CTNNA2: variants seen among roughly 807,000 people sequenced by gnomAD.
The protein encoded by CTNNA2 is catenin alpha 2.
In CTNNA2, 42 loss-of-function variants were observed where a neutral mutation model predicts 101.0. The ratio of observed to expected loss-of-function variants is 0.42; its 90% CI spans 0.32 to 0.54. CTNNA2 has a LOEUF of 0.54. Among genes scored for constraint, CTNNA2 ranks in the 20% least tolerant of loss-of-function variants. The pLI, the probability that CTNNA2 is intolerant of heterozygous loss-of-function variation, is 0.14. For synonymous variants in CTNNA2, 450 were observed against 456.4 expected, an observed-to-expected ratio of 0.99 and a Z score of 0.18; for missense variants, 871 against 1,223.1, an observed-to-expected ratio of 0.71 and a Z score of 4.29.
At chr2:80,378,359 A>AAAATAAAT (rs70940081) in intron 7 of CTNNA2, among the ~76,000 whole-genome samples, 11 of 126,856 alleles carry the variant, frequency 8.7e-5, no homozygotes, top group Middle Eastern at 3.9e-3. Flanking sequence ...TCTGTCTCAA[A>AAAATAAAT]AAATAAATAA....
At chr2:79,963,531 C>T (rs1374901442) in intron 7 of CTNNA2, among the ~76,000 whole-genome samples, 1 of 152,172 alleles carries the variant, frequency 6.6e-6, no homozygotes, top group Non-Finnish European at 1.5e-5. Flanking sequence ...GTCAGTCACT[C>T]ACTGCTGTCA....
Position 79,905,039 on chromosome 2 carries a change from G to A in CTNNA2, c.853-4555G>A, listed in dbSNP as rs185851959. Among the ~76,000 whole-genome samples, 290 of 152,302 alleles carry A rather than the reference G, an allele frequency of 1.9e-3. 1 individual carries two copies. The highest frequency in any genetic ancestry group is 3.5e-3 in the Non-Finnish European group (237 of 68,032). ...AGACTAGAGAGACTGTTATAGCACC[G>A]ACTTGAAGGCAGAATAGGATTCTAG... On this transcript the variant is annotated intron_variant, in intron 6 of 18. Transcript: ENST00000402739.
Position 79,666,265 on chromosome 2 carries a change from G to GA in CTNNA2, c.102+14611dup, listed in dbSNP as rs201782709. Among the ~76,000 whole-genome samples the GA allele has an allele frequency of 3.5e-3, 535 of 152,146 alleles. 12 individuals carry two copies. In the East Asian group the frequency reaches 0.048, roughly 14 times the overall value. ...AAATGTAAAATCATTAAACATTATAGAAAATCAATGTTTTAATTGTAGAAA... is the reference window on the plus strand; with the variant it reads ...AAATGTAAAATCATTAAACATTATAGAAAAATCAATGTTTTAATTGTAGAAA... On this transcript the variant is annotated intron_variant, in intron 2 of 18. Transcript: ENST00000402739.
intron 9 of CTNNA2, among the ~76,000 whole-genome samples, chr2:80,477,985 G>T (rs1456677555): frequency 6.6e-6 from 1 of 152,024 alleles, no homozygotes; most frequent in East Asian, 1.9e-4. Flanking sequence ...TTTCCTTAGA[G>T]GTCGTACTAA....
At chr2:79,620,015 ATTAAGCAAACAAAAAAAATGAGT>A (rs1415413687) in intron 1 of CTNNA2, among the ~76,000 whole-genome samples, 1 of 152,138 alleles carries the variant, frequency 6.6e-6, no homozygotes, top group East Asian at 1.9e-4. Context: ...ACTTTTTCTT[ATTAAGCAAACAAAAAAAATGAGT>A]GCGATAGATT....
At chr2:80,002,462 T>C (rs1693018451) in intron 7 of CTNNA2, among the ~76,000 whole-genome samples, 1 of 152,218 alleles carries the variant, frequency 6.6e-6, no homozygotes, top group Non-Finnish European at 1.5e-5. Flanking sequence ...AGTATTTCCC[T>C]GACATCTAGA....
chr2:79,208,312 G>T (rs1166427899), intron 2 of CTNNA2, among the ~76,000 whole-genome samples: 2 of 152,254 alleles, frequency 1.3e-5, no homozygotes, highest in Middle Eastern at 3.4e-3. Flanking sequence ...TGAAACATAT[G>T]TCAAGATTCT....
intron 7 of CTNNA2, among the ~76,000 whole-genome samples, chr2:79,940,146 G>C (rs938214409): frequency 1.3e-5 from 2 of 152,146 alleles, no homozygotes; most frequent in African/African-American, 4.8e-5. Context: ...TTTAAGAAAA[G>C]TCAATATAGA....
chr2:79,418,897 A>C (rs907522681), intron 4 of CTNNA2, among the ~76,000 whole-genome samples: 3 of 152,130 alleles, frequency 2.0e-5, no homozygotes, highest in Non-Finnish European at 4.4e-5. Context: ...GAGATTATTA[A>C]TATACACAGG....
At chr2:79,691,329 C>G (rs6547258) in intron 2 of CTNNA2, among the ~76,000 whole-genome samples, 105,660 of 151,170 alleles carry the variant, frequency 0.7, 37,021 homozygotes, top group East Asian at 0.89. Context: ...TCCTACATTT[C>G]CTTGGGAGTT....
intron 3 of CTNNA2, among the ~76,000 whole-genome samples, chr2:79,746,668 G>A (rs1160484131): frequency 1.3e-5 from 2 of 152,088 alleles, no homozygotes; most frequent in Non-Finnish European, 2.9e-5. Context: ...TTATTTAAAA[G>A]CACTATGTTT....
rs529968358 is a variant in CTNNA2, at chr2:79,810,700, C to T, written c.299-47313C>T. ...CCCTCCCCCCACTCCACAACAGGCCCTGGTGTGTGATGTTCCCTTTCCTGT... is the reference window on the plus strand; with the variant it reads ...CCCTCCCCCCACTCCACAACAGGCCTTGGTGTGTGATGTTCCCTTTCCTGT... On this transcript the variant is annotated intron_variant, in intron 3 of 18. Transcript: ENST00000402739. 1.1e-4 allele frequency among the ~76,000 whole-genome samples: 17 copies of T among 151,714 alleles called. No homozygotes were observed. The Middle Eastern group carries it at 0.01, about 91-fold the overall frequency.
intron 4 of CTNNA2, among the ~76,000 whole-genome samples, chr2:79,435,012 C>A (rs1023148428): frequency 9.9e-5 from 15 of 152,196 alleles, no homozygotes; most frequent in African/African-American, 3.6e-4. Flanking sequence ...CTCAATGAAA[C>A]CAAATTCTGT....
At chr2:79,622,786 T>C (rs1043784660) in intron 1 of CTNNA2, among the ~76,000 whole-genome samples, 4 of 152,216 alleles carry the variant, frequency 2.6e-5, no homozygotes, top group African/African-American at 9.6e-5. Flanking sequence ...AGCGGCAGGA[T>C]GGAGTAAAGT....
At chr2:79,338,838 T>C (rs1197452042) in intron 3 of CTNNA2, among the ~76,000 whole-genome samples, 2 of 151,942 alleles carry the variant, frequency 1.3e-5, no homozygotes. Flanking sequence ...TGAAATAAGA[T>C]AGAGAGGAAG....
intron 7 of CTNNA2, among the ~76,000 whole-genome samples, chr2:80,182,013 A>G (rs1338414555): frequency 6.6e-6 from 1 of 152,182 alleles, no homozygotes; most frequent in Admixed American, 6.5e-5. Context: ...TTCTCTAGAG[A>G]TACAGGACTA....
At chr2:79,297,022 A>G (rs934512) in intron 2 of CTNNA2, among the ~76,000 whole-genome samples, 127,631 of 152,020 alleles carry the variant, frequency 0.84, 53,752 homozygotes, top group African/African-American at 0.87. Flanking sequence ...CATATCATTC[A>G]ACCATTTCTG....
chr2:79,306,520 G>A (rs953486389), intron 2 of CTNNA2, among the ~76,000 whole-genome samples: 8 of 152,130 alleles, frequency 5.3e-5, no homozygotes, highest in African/African-American at 1.9e-4. Flanking sequence ...CATTTCTTTT[G>A]ACTGATGAAT....
At chr2:79,255,534 G>A (rs1353394620) in intron 2 of CTNNA2, among the ~76,000 whole-genome samples, 1 of 152,058 alleles carries the variant, frequency 6.6e-6, no homozygotes, top group Non-Finnish European at 1.5e-5. Context: ...GTGTATATTG[G>A]GTAATGGCAC....
Sources: allele counts gnomAD v4.1 joint callset (sites outside exome capture counted in the v4.1 genomes callset), GRCh38; gene constraint gnomAD v4.1.1; transcripts MANE v1.5; gene names NCBI Gene and HGNC (gene_info 2026-07-23, HGNC 2026-07-21).